The following SLC19A1 variants were observed in gnomAD, a reference collection of about 807,000 sequenced individuals.
The protein encoded by SLC19A1 is reduced folate transporter.
Under a neutral mutation model 35.3 loss-of-function variants are expected in SLC19A1, and 37 were observed. The ratio of observed to expected loss-of-function variants is 1.05; its 90% CI spans 0.81 to 1.38. SLC19A1 has a LOEUF of 1.38. SLC19A1 is among the 40% of genes most tolerant of loss of function. SLC19A1 has a pLI of 0.00. For synonymous variants in SLC19A1, 460 were observed against 398.5 expected (o/e 1.15, Z -1.84); for missense variants, 831 against 826.9 (o/e 1.00, Z -0.06).
rs976486312 is a variant in SLC19A1 at position 45,534,898 on chromosome 21, C to T, written c.190-2750G>A. Among the ~76,000 whole-genome samples, 1 of 152,278 alleles carries T rather than the reference C, an allele frequency of 6.6e-6. No individual in the cohort carries two copies. Among genetic ancestry groups the T allele is most frequent in the African/African-American group, 2.4e-5 (1 of 41,482 alleles). ...CCTGCTGCCTGAGCCCAGCGTCGGC[C>T]CTGCTCTCCACAGGTCTTGGTTGGG... On this transcript the variant is annotated intron_variant, in intron 2 of 5. Coordinates refer to ENST00000311124, the MANE Select transcript of SLC19A1 (RefSeq NM_194255.4). The surrounding 1 kb of genome is among the most constrained non-coding windows in gnomAD (Gnocchi z 4.2).
At position 45,514,418 on chromosome 21, in the gene SLC19A1, C is replaced by G. The variant is rs2037779913; in HGVS notation, c.*1240G>C. On this transcript the variant is annotated 3_prime_UTR_variant, in exon 6 of 6. Transcript: ENST00000311124. ...ACCCCAAGATGCCTGCTCCCCTGAG[C>G]CACCTCGGGAGACCCCTGGGTCCAG... The G allele has an allele frequency of 6.6e-6, 1 of 152,556 alleles. No homozygotes were observed. The highest frequency in any genetic ancestry group is 6.5e-5 in the Admixed American group (1 of 15,296). 9.5% of individuals were successfully genotyped at this position (152,556 alleles called of 1,614,324 possible).
chr21:45,539,588 G>A (rs1014710246), intron 1 of SLC19A1, among the ~76,000 whole-genome samples: 5 of 152,206 alleles, frequency 3.3e-5, no homozygotes, highest in Non-Finnish European at 5.9e-5. Context: ...CAGTCTTCAC[G>A]TATCAGAGAC....
At chr21:45,556,710 C>T (rs968494214) in intron 1 of SLC19A1, among the ~76,000 whole-genome samples, 4 of 152,160 alleles carry the variant, frequency 2.6e-5, no homozygotes, top group Admixed American at 1.3e-4. Flanking sequence ...CAGAACAGGA[C>T]GTTGTCAAGC....
In SLC19A1 at chr21:45,531,380, C is replaced by A. The variant is rs763755468; in HGVS notation, c.949+9G>T. 7 of 1,563,032 alleles carry A rather than the reference C, an allele frequency of 4.5e-6. No homozygotes were observed. The highest frequency in any genetic ancestry group is 1.2e-5 in the South Asian group (1 of 82,642). ...CGGGAAGAAGCCTCGGGGACCAGGG[C>A]ATGCGTACCCAGCAGCGTGGAGGCA... On this transcript the variant is annotated intron_variant, in intron 3 of 5. Transcript: ENST00000311124.
Position 45,506,325 on chromosome 21 carries a change from C to T in SLC19A1, c.498-7713G>A, listed in dbSNP as rs577333425. 4.7e-5 allele frequency: 17 copies of T among 364,076 alleles called. No homozygotes were observed. The East Asian group carries it at 7.6e-4, about 16-fold the overall frequency. The allele number at this position is 364,076 out of a possible 1,614,324, so 22.6% of individuals were successfully genotyped here. On this transcript the variant is annotated intron_variant, in intron 3 of 4. Coordinates refer to the SLC19A1 transcript ENST00000417954. ...GGGGGGCTCAGGCCCTCCAGGGCCA[C>T]GTGACGTCCACAGCACGGCCCCGGC...
chr21:45,508,249 A>G (rs1225352724), downstream of SLC19A1, among the ~76,000 whole-genome samples: 5 of 121,378 alleles, frequency 4.1e-5, no homozygotes, highest in Non-Finnish European at 9.7e-5. Context: ...GGGTGAGTGG[A>G]TGGTGGACAG....
Position 45,531,368 on chromosome 21 carries a change from CG to C in SLC19A1, c.949+20del, listed in dbSNP as rs2077890542. 6.5e-7 allele frequency: 1 copy of C among 1,546,196 alleles called. No homozygotes were observed. Among genetic ancestry groups the C allele is most frequent in the Non-Finnish European group, 8.7e-7 (1 of 1,145,464 alleles). On this transcript the variant is annotated intron_variant, in intron 3 of 5. Transcript: ENST00000311124. Reference sequence around the variant, plus strand: ...GGGAAGCCTCTGCGGGAAGAAGCCTCGGGGACCAGGGCATGCGTACCCAGCA... The same window carrying C: ...GGGAAGCCTCTGCGGGAAGAAGCCTCGGGACCAGGGCATGCGTACCCAGCA...
intron 4 of SLC19A1, among the ~76,000 whole-genome samples, chr21:45,529,976 TGTGA>T (rs1213684358): frequency 1.3e-5 from 2 of 150,732 alleles, no homozygotes; most frequent in Non-Finnish European, 3.0e-5. Flanking sequence ...AGTGTGTTCA[TGTGA>T]GTGTGGTGGG....
rs564609968 is a variant in SLC19A1 at position 45,514,923 on chromosome 21, G to C, written c.*735C>G. 1.3e-4 allele frequency: 179 copies of C among 1,360,646 alleles called. No homozygotes were observed. The African/African-American group carries it at 2.0e-3, about 15-fold the overall frequency. 84.3% of individuals were successfully genotyped at this position (1,360,646 alleles called of 1,614,324 possible). ...AGGCCAGCACGTCCGCGGTGACCGG[G>C]ACCAGTCCCCTCCGGGCTGGCACAA... is the stretch of plus-strand genomic sequence containing the variant. On this transcript the variant is annotated 3_prime_UTR_variant, in exon 6 of 6. Coordinates refer to ENST00000311124, the MANE Select transcript of SLC19A1 (RefSeq NM_194255.4).
chr21:45,515,586 CG>C lies in SLC19A1; in HGVS notation c.*71del, dbSNP rs1278575184. 6.3e-7 allele frequency: 1 copy of C among 1,589,052 alleles called. No homozygotes were observed. The highest frequency in any genetic ancestry group is 8.5e-7 in the Non-Finnish European group (1 of 1,173,426). ...CGGAGGCCCCCATTGCTAAGGCAGG[CG>C]GCCCTCGAGGCAGGGGTCGTGGGGA... On this transcript the variant is annotated 3_prime_UTR_variant, in exon 6 of 6. Coordinates refer to ENST00000311124, the MANE Select transcript of SLC19A1 (RefSeq NM_194255.4).
At position 45,530,385 on chromosome 21, in the gene SLC19A1, C is replaced by A. The variant is rs73372947; in HGVS notation, c.1151+385G>T. On this transcript the variant is annotated intron_variant, in intron 4 of 5. Transcript: ENST00000311124. The surrounding 1 kb of genome is among the most constrained non-coding windows in gnomAD (Gnocchi z 5.3). ...GAGTGTGTGTGTGTCCATGTGTGAG[C>A]GTGTGGTGTGTGTGTGGTGTGAGTG... Among the ~76,000 whole-genome samples the A allele has an allele frequency of 0.029, 4,315 of 150,638 alleles. 202 individuals are homozygous for A. The highest frequency in any genetic ancestry group is 0.1 in the African/African-American group (4,118 of 40,952).
At chr21:45,511,622 T>C (rs757580445), downstream of SLC19A1, among the ~76,000 whole-genome samples, 4 of 151,900 alleles carry the variant, frequency 2.6e-5, no homozygotes, top group Non-Finnish European at 5.9e-5. Context: ...GACAGAAATT[T>C]CCAGGGTATC....
intron 1 of SLC19A1, among the ~76,000 whole-genome samples, chr21:45,562,129 C>CAAAAA (rs34594751): frequency 8.0e-4 from 97 of 121,564 alleles, no homozygotes; most frequent in African/African-American, 3.0e-3. Flanking sequence ...GACTCTGTCT[C>CAAAAA]AAAAAAAAAA....
At chr21:45,520,655 A>T (rs2077408949) in intron 5 of SLC19A1, among the ~76,000 whole-genome samples, 1 of 152,226 alleles carries the variant, frequency 6.6e-6, no homozygotes, top group East Asian at 1.9e-4. Flanking sequence ...AGGGCCTTTC[A>T]AAAGGTAATT....
chr21:45,505,499 C>A, intron 3 of SLC19A1: 2 of 839,400 alleles, frequency 2.4e-6, no homozygotes, highest in Non-Finnish European at 3.9e-6. Context: ...GCCCCTGCCC[C>A]TCAGAGACAC....
intron 3 of SLC19A1, chr21:45,506,211 T>C (rs767824445): frequency 1.5e-5 from 8 of 546,882 alleles, no homozygotes; most frequent in Non-Finnish European, 2.6e-5. Context: ...GGGCTCCTGG[T>C]GGGTCATGTC....
intron 1 of SLC19A1, among the ~76,000 whole-genome samples, chr21:45,553,370 G>A (rs1380982803): frequency 2.0e-5 from 3 of 151,850 alleles, no homozygotes; most frequent in Non-Finnish European, 2.9e-5. Flanking sequence ...AAGTCCAGAG[G>A]AGCCACAGGG....
intron 3 of SLC19A1, chr21:45,506,741 T>TA (rs1568945675): frequency 1.4e-5 from 2 of 144,720 alleles, no homozygotes; most frequent in African/African-American, 5.3e-5. Context: ...CCCACCTTCC[T>TA]TCTAGAGCCC....
upstream of SLC19A1, among the ~76,000 whole-genome samples, chr21:45,544,609 G>T (rs566998891): frequency 1.6e-3 from 244 of 152,334 alleles, 1 homozygote; most frequent in Non-Finnish European, 1.6e-3. Context: ...GTCAGGGATG[G>T]CAGGGAGAGC....
Sources: gnomAD v4.1 joint callset for allele counts (sites outside exome capture counted in the v4.1 genomes callset) on GRCh38, gnomAD v4.1.1 for gene constraint, Gnocchi (gnomAD v3.1) non-coding constraint, MANE v1.5 for transcripts, NCBI Gene and HGNC (gene_info 2026-07-23, HGNC 2026-07-21) for gene names.